The following DCC variants were observed in gnomAD, a reference collection of about 807,000 sequenced individuals.
The protein encoded by DCC is DCC netrin 1 receptor.
A neutral mutation model predicts 172.5 loss-of-function variants in DCC; 58 were observed. The observed-to-expected ratio is 0.34, with a 90% CI of 0.27 to 0.42. The LOEUF (loss-of-function observed/expected upper bound fraction) is 0.42, where lower values mean the gene tolerates loss of function less well. DCC is among the 10% of genes least tolerant of loss of function. The probability of loss-of-function intolerance (pLI) is 1.00; values close to 1 mark genes in which losing one functional copy is unlikely to be tolerated. For missense variants in DCC, 1,740 were observed against 1,791.0 expected (o/e 0.97, Z 0.51); for synonymous variants, 709 against 644.5 (o/e 1.10, Z -1.52).
chr18:53,267,795 T>A (rs906453076), intron 12 of DCC, among the ~76,000 whole-genome samples: 13 of 152,188 alleles, frequency 8.5e-5, no homozygotes, highest in Non-Finnish European at 1.8e-4. Flanking sequence ...TGAGAAATGG[T>A]CAGTACTTTA....
chr18:53,180,949 T>G (rs2055187425), intron 9 of DCC, among the ~76,000 whole-genome samples: 1 of 152,170 alleles, frequency 6.6e-6, no homozygotes, highest in Non-Finnish European at 1.5e-5. Context: ...TGACTTTCTC[T>G]TCATAGATCA....
chr18:53,374,464 G>T (rs1457935665), intron 15 of DCC, among the ~76,000 whole-genome samples: 1 of 152,118 alleles, frequency 6.6e-6, no homozygotes, highest in Non-Finnish European at 1.5e-5. Context: ...CATCTAACTG[G>T]CATGCTGGGT....
At chr18:52,464,658 C>T (rs1030600639) in intron 1 of DCC, among the ~76,000 whole-genome samples, 4 of 152,156 alleles carry the variant, frequency 2.6e-5, no homozygotes, top group African/African-American at 7.2e-5. Context: ...ACTTTGAATG[C>T]AAAACATTCC....
chr18:53,356,997 G>T (rs1328380652), intron 15 of DCC, among the ~76,000 whole-genome samples: 1 of 152,014 alleles, frequency 6.6e-6, no homozygotes, highest in Non-Finnish European at 1.5e-5. Context: ...CATATCCAAA[G>T]TCTCAAAATT....
intron 5 of DCC, among the ~76,000 whole-genome samples, chr18:52,938,971 TATGATCTTGTGAAGAGGTTA>T: frequency 6.6e-6 from 1 of 152,136 alleles, no homozygotes; most frequent in Non-Finnish European, 1.5e-5. Context: ...TTTCATCCAG[TATGATCTTGTGAAGAGGTTA>T]ATCATGGGAT....
At chr18:53,340,467 T>A (rs1258705135) in intron 15 of DCC, among the ~76,000 whole-genome samples, 1 of 152,162 alleles carries the variant, frequency 6.6e-6, no homozygotes, top group Non-Finnish European at 1.5e-5. Context: ...TACATTAGAA[T>A]GATAAAACTC....
intron 18 of DCC, among the ~76,000 whole-genome samples, chr18:53,398,585 G>A (rs890976242): frequency 2.0e-5 from 3 of 152,130 alleles, no homozygotes; most frequent in African/African-American, 7.2e-5. Context: ...GTAGATAAAT[G>A]TGAAATAGTA....
intron 1 of DCC, among the ~76,000 whole-genome samples, chr18:52,559,561 C>T (rs1322906357): frequency 1.3e-5 from 2 of 152,098 alleles, no homozygotes; most frequent in South Asian, 2.1e-4. Flanking sequence ...GAATCAAAAT[C>T]GAATTAGGTA....
intron 1 of DCC, among the ~76,000 whole-genome samples, chr18:52,640,342 AT>A (rs2034866185): frequency 6.6e-6 from 1 of 152,158 alleles, no homozygotes; most frequent in Non-Finnish European, 1.5e-5. Context: ...TCAACATAGT[AT>A]TGGAATTCCT....
rs145809918 is a variant in DCC, at chr18:52,478,418, T to C, written c.91+137540T>C. 2.0e-3 allele frequency among the ~76,000 whole-genome samples: 298 copies of C among 152,296 alleles called. 1 individual carries two copies. Among genetic ancestry groups the C allele is most frequent in the African/African-American group, 6.2e-3 (259 of 41,556 alleles). The stretch of plus-strand genomic sequence containing the variant: ...GGAGTTAATCTTCTCATGGGTGCAT[T>C]TCACACAAGTCTCCAATATCTTTAA... On this transcript the variant is annotated intron_variant, in intron 1 of 28. Transcript: ENST00000442544.
rs530171342 is a variant in DCC, at chr18:53,320,337, G to T, written c.2054-1710G>T. On this transcript the variant is annotated intron_variant, in intron 13 of 28. Transcript: ENST00000442544. ...TCCGCCCGCCTCGGCCTCCCAAAGTGCTGGGATTACAGGCATGAGCCACCG... is the reference window on the plus strand; with the variant it reads ...TCCGCCCGCCTCGGCCTCCCAAAGTTCTGGGATTACAGGCATGAGCCACCG... Among the ~76,000 whole-genome samples, 4 of 152,264 alleles carry T rather than the reference G, an allele frequency of 2.6e-5. No homozygotes were observed. The East Asian group carries it at 7.7e-4, about 29-fold the overall frequency.
chr18:52,672,248 G>C (rs72929152), intron 1 of DCC, among the ~76,000 whole-genome samples: 21,014 of 152,074 alleles, frequency 0.14, 1,830 homozygotes, highest in Admixed American at 0.25. Context: ...ATTTTTAAAC[G>C]AATATTTGTT....
chr18:52,762,470 C>T (rs2037176905), intron 2 of DCC, among the ~76,000 whole-genome samples: 2 of 107,596 alleles, frequency 1.9e-5, no homozygotes, highest in African/African-American at 7.8e-5. Context: ...GAGACCTTAT[C>T]TCAAAAAAAA....
Position 53,086,884 on chromosome 18 carries a change from C to G in DCC, c.1261+20718C>G, listed in dbSNP as rs375799803. 3.9e-4 allele frequency among the ~76,000 whole-genome samples: 58 copies of G among 150,624 alleles called. 2 individuals are homozygous for G. In the East Asian group the frequency reaches 0.011, roughly 29 times the overall value. On this transcript the variant is annotated intron_variant, in intron 7 of 28. Coordinates refer to ENST00000442544, the MANE Select transcript of DCC (RefSeq NM_005215.4). Reference sequence around the variant, plus strand: ...TTTTGTTCTTGCAATAGTTTACTGACAATGATGATTTCCAATTTCATCCAT... The same window carrying G: ...TTTTGTTCTTGCAATAGTTTACTGAGAATGATGATTTCCAATTTCATCCAT...
intron 24 of DCC, among the ~76,000 whole-genome samples, chr18:53,464,998 AAAAG>A (rs1243332065): frequency 2.0e-5 from 3 of 151,572 alleles, no homozygotes; most frequent in East Asian, 1.9e-4. Flanking sequence ...AAAAAAAAAA[AAAAG>A]AGAAGAAAAA....
chr18:52,366,122 T>C (rs1984839685), intron 1 of DCC, among the ~76,000 whole-genome samples: 1 of 152,192 alleles, frequency 6.6e-6, no homozygotes, highest in Non-Finnish European at 1.5e-5. Flanking sequence ...GATTTTAGCA[T>C]GTGCTTAATC....
At chr18:53,340,820 G>A (rs576326449) in intron 15 of DCC, among the ~76,000 whole-genome samples, 4 of 152,126 alleles carry the variant, frequency 2.6e-5, no homozygotes, top group Non-Finnish European at 5.9e-5. Flanking sequence ...CAGCTTGATT[G>A]GGCAGGCAGG....
chr18:52,388,497 A>G (rs992961652), intron 1 of DCC, among the ~76,000 whole-genome samples: 6 of 150,244 alleles, frequency 4.0e-5, no homozygotes, highest in Non-Finnish European at 8.8e-5. Flanking sequence ...ATTTTCCTTT[A>G]TAAGTGCCAC....
intron 1 of DCC, among the ~76,000 whole-genome samples, chr18:52,397,234 T>G (rs956588850): frequency 6.6e-6 from 1 of 152,066 alleles, no homozygotes; most frequent in Non-Finnish European, 1.5e-5. Context: ...TTTAATATTC[T>G]GGGGAAGAGC....
Sources: allele counts gnomAD v4.1 joint callset (sites outside exome capture counted in the v4.1 genomes callset), GRCh38; gene constraint gnomAD v4.1.1; transcripts MANE v1.5; gene names NCBI Gene and HGNC (gene_info 2026-07-23, HGNC 2026-07-21).